MICU3: variants seen among roughly 807,000 people sequenced by gnomAD.
MICU3 encodes calcium uptake protein 3, mitochondrial.
In MICU3, 62 loss-of-function variants were observed where a neutral mutation model predicts 66.5. The observed-to-expected ratio is 0.93, with a 90% CI of 0.76 to 1.15. The LOEUF is 1.15. Ranked by LOEUF, MICU3 falls within the 50% of genes most tolerant of loss-of-function variation. The pLI is 0.00. For missense variants in MICU3, 779 were observed against 664.4 expected, an observed-to-expected ratio of 1.17 and a Z score of -1.90; for synonymous variants, 308 against 240.7, an observed-to-expected ratio of 1.28 and a Z score of -2.59.
intron 12 of MICU3, among the ~76,000 whole-genome samples, 174 bp downstream of exon 12, chr8:17,114,375 A>G (rs1020886342): frequency 1.3e-5 from 2 of 152,124 alleles, no homozygotes; most frequent in African/African-American, 4.8e-5. Flanking sequence ...GCCATGAGGG[A>G]AGAAACCTCA....
chr8:17,054,397 A>T (rs1387171401), intron 1 of MICU3, among the ~76,000 whole-genome samples: 2 of 152,166 alleles, frequency 1.3e-5, no homozygotes, highest in African/African-American at 4.8e-5. Flanking sequence ...ACATATATGT[A>T]TTTGCAGGGA....
At position 17,077,887 on chromosome 8, in the gene MICU3, T is replaced by C. The variant is rs768616883; in HGVS notation, c.646+26T>C. 1.1e-5 allele frequency: 16 copies of C among 1,421,772 alleles called. No individual in the cohort carries two copies. The African/African-American group carries it at 2.1e-4, about 19-fold the overall frequency. The allele number at this position is 1,421,772 out of a possible 1,614,324, so 88.1% of individuals were successfully genotyped here. On this transcript the variant is annotated intron_variant, in intron 4 of 14. Transcript: ENST00000318063. ...GTGAGTTAACCTTAGTACTTGTTCT[T>C]TTTTTAAACTATATTATGTATACTA...
chr8:17,119,108 A>G (rs1802970905), intron 14 of MICU3, among the ~76,000 whole-genome samples: 1 of 152,170 alleles, frequency 6.6e-6, no homozygotes, highest in South Asian at 2.1e-4. Flanking sequence ...GTCTGGCACT[A>G]TATTAAGTGT....
chr8:17,064,646 A>G (rs1818401071), intron 2 of MICU3, among the ~76,000 whole-genome samples: 1 of 152,026 alleles, frequency 6.6e-6, no homozygotes, highest in Non-Finnish European at 1.5e-5. Context: ...ATTGTCTCTC[A>G]CCTTTTCATA....
intron 1 of MICU3, among the ~76,000 whole-genome samples, chr8:17,029,062 C>T (rs1254656537): frequency 2.0e-5 from 3 of 152,218 alleles, no homozygotes; most frequent in Admixed American, 6.5e-5. Context: ...ATTACTTGAC[C>T]TGTCAATGCC....
At chr8:17,095,672 G>C (rs922947462) in intron 8 of MICU3, among the ~76,000 whole-genome samples, 4 of 151,862 alleles carry the variant, frequency 2.6e-5, no homozygotes, top group African/African-American at 9.7e-5. Context: ...GCTTAGCACA[G>C]TGATATATTA....
At chr8:17,058,804 G>A (rs188510707) in intron 1 of MICU3, among the ~76,000 whole-genome samples, 267 of 152,238 alleles carry the variant, frequency 1.8e-3, no homozygotes, top group Middle Eastern at 6.8e-3. Flanking sequence ...AGTAACAAAC[G>A]ACAAATTATT....
At chr8:17,110,572 T>C (rs1802102627) in intron 11 of MICU3, among the ~76,000 whole-genome samples, 1 of 152,204 alleles carries the variant, frequency 6.6e-6, no homozygotes, top group Non-Finnish European at 1.5e-5. Flanking sequence ...CTTAAATTTA[T>C]TTCTTTTAAG....
At chr8:17,105,360 T>C in intron 10 of MICU3, 53 bp from the exon 11 acceptor site, 2 of 1,115,002 alleles carry the variant, frequency 1.8e-6, no homozygotes, top group Non-Finnish European at 2.6e-6. Context: ...TCATCTCCTG[T>C]TACGATTACT....
chr8:17,070,082 T>C (rs150972466), intron 3 of MICU3, among the ~76,000 whole-genome samples: 211 of 152,184 alleles, frequency 1.4e-3, no homozygotes, highest in African/African-American at 4.7e-3. Flanking sequence ...CCTTGTAAAG[T>C]TGAACTTGAA....
At chr8:17,080,011 C>T (rs939835246) in intron 4 of MICU3, among the ~76,000 whole-genome samples, 2 of 151,524 alleles carry the variant, frequency 1.3e-5, no homozygotes, top group Admixed American at 6.6e-5. Context: ...ATTGAATTTT[C>T]GAAAGAAACC....
chr8:17,046,594 G>GT lies in MICU3; in HGVS notation c.382-17489dup, dbSNP rs1438511911. On this transcript the variant is annotated intron_variant, in intron 1 of 14. Transcript: ENST00000318063. The stretch of plus-strand genomic sequence containing the variant: ...TAATAACTGCAATGGTGTGTGAACT[G>GT]TGAGTTACTTGGGGGAGGAGAGGTG... 3.2e-4 allele frequency among the ~76,000 whole-genome samples: 48 copies of GT among 152,106 alleles called. 1 individual carries two copies.
At chr8:17,089,626 TTGAG>T (rs1287396042) in intron 7 of MICU3, among the ~76,000 whole-genome samples, 1 of 152,134 alleles carries the variant, frequency 6.6e-6, no homozygotes, top group African/African-American at 2.4e-5. Flanking sequence ...TTTTTGGGGT[TTGAG>T]TATTAGCCCT....
intron 1 of MICU3, among the ~76,000 whole-genome samples, chr8:17,051,986 G>A (rs1157445523): frequency 6.6e-6 from 1 of 152,042 alleles, no homozygotes; most frequent in Non-Finnish European, 1.5e-5. Context: ...AAAATAGGTT[G>A]GCAGGGCCAG....
chr8:17,065,516 A>T (rs560724291), intron 2 of MICU3, among the ~76,000 whole-genome samples: 1 of 152,282 alleles, frequency 6.6e-6, no homozygotes, highest in South Asian at 2.1e-4. Flanking sequence ...TCTTTAAAAG[A>T]TGAATGGACA....
chr8:17,034,741 G>A (rs373371551), intron 1 of MICU3, among the ~76,000 whole-genome samples: 2 of 152,324 alleles, frequency 1.3e-5, no homozygotes, highest in South Asian at 4.1e-4. Flanking sequence ...CTGAATTGCT[G>A]CAATTTCATG....
chr8:17,101,704 C>A (rs1382215434), intron 9 of MICU3, among the ~76,000 whole-genome samples: 2 of 151,836 alleles, frequency 1.3e-5, no homozygotes, highest in African/African-American at 4.8e-5. Context: ...TCTGAATTCA[C>A]TAACTTTTGG....
intron 1 of MICU3, among the ~76,000 whole-genome samples, chr8:17,030,100 G>T (rs576090024): frequency 6.6e-6 from 1 of 152,058 alleles, no homozygotes; most frequent in Admixed American, 6.5e-5. Flanking sequence ...ATTCTATTTT[G>T]CTTTCTATAT....
chr8:17,084,808 C>T (rs1039522902), intron 5 of MICU3, among the ~76,000 whole-genome samples: 2 of 152,004 alleles, frequency 1.3e-5, no homozygotes, highest in Non-Finnish European at 2.9e-5. Flanking sequence ...ATGTCTTATG[C>T]TTGACATTTA....
Sources: gnomAD v4.1 joint callset for allele counts (sites outside exome capture counted in the v4.1 genomes callset) on GRCh38, gnomAD v4.1.1 for gene constraint, MANE v1.5 for transcripts, NCBI Gene and HGNC (gene_info 2026-07-23, HGNC 2026-07-21) for gene names.